MOB3B: variants seen among roughly 807,000 people sequenced by gnomAD.
MOB3B encodes MOB kinase activator-like 2B.
Under a neutral mutation model 18.7 loss-of-function variants are expected in MOB3B, and 7 were observed. The ratio of observed to expected loss-of-function variants is 0.37; its 90% CI spans 0.21 to 0.70. The LOEUF (loss-of-function observed/expected upper bound fraction) is 0.70, where lower values mean the gene tolerates loss of function less well. MOB3B is among the 30% of genes least tolerant of loss of function. MOB3B has a pLI of 0.52. For synonymous variants in MOB3B, 111 were observed against 99.9 expected (o/e 1.11, Z -0.66); for missense variants, 253 against 281.3 (o/e 0.90, Z 0.72).
At chr9:27,441,186 G>C (rs1284938478) in intron 2 of MOB3B, among the ~76,000 whole-genome samples, 1 of 152,150 alleles carries the variant, frequency 6.6e-6, no homozygotes, top group African/African-American at 2.4e-5. Context: ...CCGTAACTAA[G>C]CACTTACCAT....
intron 1 of MOB3B, among the ~76,000 whole-genome samples, chr9:27,485,702 ACAG>A (rs1819720585): frequency 6.6e-6 from 1 of 152,256 alleles, no homozygotes. Flanking sequence ...CAAAATGTCA[ACAG>A]CAGAATTACC....
chr9:27,329,318 C>T lies in MOB3B; in HGVS notation c.*1269G>A, dbSNP rs955196493. On this transcript the variant is annotated 3_prime_UTR_variant, in exon 4 of 4. Coordinates refer to ENST00000262244, the MANE Select transcript of MOB3B (RefSeq NM_024761.5). The stretch of plus-strand genomic sequence containing the variant: ...ATCAGAGAAGGCAACATTTCATCAA[C>T]GAAAACTCATTTAGGTTTCAAAAGG... 5.3e-5 allele frequency: 8 copies of T among 152,110 alleles called. No homozygotes were observed. Among genetic ancestry groups the T allele is most frequent in the Admixed American group, 3.9e-4 (6 of 15,276 alleles). The allele number at this position is 152,110 out of a possible 1,614,324, so 9.4% of individuals were successfully genotyped here.
intron 1 of MOB3B, among the ~76,000 whole-genome samples, chr9:27,505,958 G>A (rs1407559615): frequency 6.6e-6 from 1 of 152,214 alleles, no homozygotes; most frequent in Non-Finnish European, 1.5e-5. Context: ...TTACACGCAT[G>A]GGCTTTTACC....
chr9:27,422,494 T>C (rs887713237), intron 2 of MOB3B, among the ~76,000 whole-genome samples: 2 of 152,232 alleles, frequency 1.3e-5, no homozygotes, highest in Non-Finnish European at 2.9e-5. Context: ...AAGTTAAAGT[T>C]ATTAATGGAA....
rs142392242 is a variant in MOB3B, at chr9:27,519,000, G to A, written c.-199+10555C>T. On this transcript the variant is annotated intron_variant, in intron 1 of 3. Transcript: ENST00000262244. ...TGTGACATCACTAGAGTAGAGGTAC[G>A]AAAGTGCTCATGATCTGACCAGCCT... Among the ~76,000 whole-genome samples, 14 of 152,310 alleles carry A rather than the reference G, an allele frequency of 9.2e-5. No homozygotes were observed. The East Asian group carries it at 1.3e-3, about 15-fold the overall frequency.
intron 1 of MOB3B, among the ~76,000 whole-genome samples, chr9:27,480,445 A>G (rs1018092534): frequency 3.4e-4 from 51 of 152,100 alleles, no homozygotes; most frequent in Admixed American, 2.2e-3. Flanking sequence ...GACTACAGGC[A>G]CCCGCCACCA....
At chr9:27,466,092 GC>G (rs2131462159) in intron 1 of MOB3B, among the ~76,000 whole-genome samples, 1 of 152,254 alleles carries the variant, frequency 6.6e-6, no homozygotes, top group East Asian at 1.9e-4. Context: ...GCATCGTCAG[GC>G]TGCAAATTTT....
At chr9:27,464,298 G>A (rs1819343564) in intron 1 of MOB3B, among the ~76,000 whole-genome samples, 1 of 152,266 alleles carries the variant, frequency 6.6e-6, no homozygotes, top group East Asian at 1.9e-4. Context: ...TGCTTAATTT[G>A]GGTGGACTTC....
chr9:27,337,109 A>G (rs1168354445), intron 3 of MOB3B, among the ~76,000 whole-genome samples: 2 of 152,138 alleles, frequency 1.3e-5, no homozygotes, highest in Non-Finnish European at 1.5e-5. Context: ...AGTGGCTTGA[A>G]CTGCAGCAGA....
At chr9:27,443,932 A>T (rs1822635418) in intron 2 of MOB3B, among the ~76,000 whole-genome samples, 1 of 152,116 alleles carries the variant, frequency 6.6e-6, no homozygotes, top group South Asian at 2.1e-4. Context: ...TATGTATGAT[A>T]CACATTCTTT....
chr9:27,528,192 T>A (rs1470374984), intron 1 of MOB3B, among the ~76,000 whole-genome samples: 1 of 152,182 alleles, frequency 6.6e-6, no homozygotes, highest in African/African-American at 2.4e-5. Flanking sequence ...GCATCTTCGT[T>A]CTCTTTTTGG....
intron 2 of MOB3B, among the ~76,000 whole-genome samples, chr9:27,380,664 T>C (rs929540700): frequency 1.2e-4 from 19 of 152,150 alleles, no homozygotes; most frequent in Admixed American, 1.1e-3. Context: ...GTGGAGGTGG[T>C]CCAGCTTCTG....
intron 2 of MOB3B, among the ~76,000 whole-genome samples, chr9:27,360,803 T>G (rs1821264031): frequency 6.6e-6 from 1 of 152,208 alleles, no homozygotes; most frequent in Non-Finnish European, 1.5e-5. Context: ...ATGGCTTTTC[T>G]TTGAAACAAA....
chr9:27,471,041 T>C (rs1235300757), intron 1 of MOB3B, among the ~76,000 whole-genome samples: 1 of 152,140 alleles, frequency 6.6e-6, no homozygotes, highest in African/African-American at 2.4e-5. Context: ...ACTAGTAAGT[T>C]CCCTCTGGGT....
intron 2 of MOB3B, among the ~76,000 whole-genome samples, chr9:27,367,392 A>G (rs1821355803): frequency 1.3e-5 from 2 of 152,194 alleles, no homozygotes; most frequent in African/African-American, 4.8e-5. Flanking sequence ...GACAAGGTGG[A>G]AAAGGGTAGT....
intron 2 of MOB3B, among the ~76,000 whole-genome samples, chr9:27,427,582 C>T (rs1028167740): frequency 1.2e-4 from 19 of 152,122 alleles, no homozygotes; most frequent in Non-Finnish European, 2.1e-4. Context: ...CTAACAAACT[C>T]GAGAGATGGA....
intron 2 of MOB3B, among the ~76,000 whole-genome samples, chr9:27,379,947 G>A (rs1318359312): frequency 2.6e-5 from 4 of 152,140 alleles, no homozygotes; most frequent in East Asian, 1.9e-4. Flanking sequence ...TTCGTTAAAA[G>A]TGCTTCCATT....
At chr9:27,469,590 T>C (rs1466421374) in intron 1 of MOB3B, among the ~76,000 whole-genome samples, 1 of 152,188 alleles carries the variant, frequency 6.6e-6, no homozygotes, top group African/African-American at 2.4e-5. Context: ...GTTAATTCAA[T>C]AGAGCCTCTT....
At chr9:27,384,847 C>T (rs1398581782) in intron 2 of MOB3B, among the ~76,000 whole-genome samples, 1 of 152,152 alleles carries the variant, frequency 6.6e-6, no homozygotes, top group African/African-American at 2.4e-5. Context: ...ACCACCTGTG[C>T]CTTGGGGGAG....
Sources: allele counts gnomAD v4.1 joint callset (sites outside exome capture counted in the v4.1 genomes callset), GRCh38; gene constraint gnomAD v4.1.1; transcripts MANE v1.5; gene names NCBI Gene and HGNC (gene_info 2026-07-23, HGNC 2026-07-21).